Variants in ITGA8 observed in about 807,000 individuals in gnomAD.
The protein encoded by ITGA8 is integrin subunit alpha 8, also known as integrin alpha-8.
ITGA8 carries 91 observed loss-of-function variants against 142.3 expected under a neutral mutation model. That is an observed-to-expected ratio of 0.64 (90% CI 0.54 to 0.76). ITGA8 has a LOEUF of 0.76. Ranked by LOEUF, ITGA8 falls within the 30% of genes least tolerant of loss-of-function variation. The pLI is 0.00. For synonymous variants in ITGA8, 505 were observed against 485.2 expected (o/e 1.04, Z -0.54); for missense variants, 1,406 against 1,327.7 (o/e 1.06, Z -0.92).
chr10:15,624,960 A>G (rs373806474), intron 13 of ITGA8, among the ~76,000 whole-genome samples: 2 of 152,312 alleles, frequency 1.3e-5, no homozygotes, highest in African/African-American at 2.4e-5. Flanking sequence ...CATTTAGATA[A>G]GTCTCCTTGA....
chr10:15,627,837 G>A (rs1833612849), intron 13 of ITGA8, among the ~76,000 whole-genome samples: 1 of 150,608 alleles, frequency 6.6e-6, no homozygotes, highest in Non-Finnish European at 1.5e-5. Context: ...GCATTCCCAG[G>A]TTAGTCATTC....
At chr10:15,547,291 GC>G (rs570683068) in intron 27 of ITGA8, among the ~76,000 whole-genome samples, 7 of 152,286 alleles carry the variant, frequency 4.6e-5, no homozygotes, top group African/African-American at 1.7e-4. Flanking sequence ...CCCATAGTCG[GC>G]CAGGAGCAAT....
chr10:15,624,683 C>T (rs753380541), intron 13 of ITGA8, among the ~76,000 whole-genome samples: 7 of 152,218 alleles, frequency 4.6e-5, no homozygotes, highest in Non-Finnish European at 1.0e-4. Context: ...GCCCAGGTCC[C>T]ATCCTGCCAA....
At chr10:15,572,870 C>G (rs893348339) in intron 24 of ITGA8, among the ~76,000 whole-genome samples, 1 of 152,144 alleles carries the variant, frequency 6.6e-6, no homozygotes, top group Non-Finnish European at 1.5e-5. Flanking sequence ...CAGTTCATTT[C>G]GAGTGCGTGT....
intron 8 of ITGA8, among the ~76,000 whole-genome samples, chr10:15,664,376 A>G (rs983716176): frequency 6.6e-6 from 1 of 152,204 alleles, no homozygotes; most frequent in Admixed American, 6.5e-5. Context: ...CTTTCAAAGG[A>G]AAAAATAAAA....
intron 29 of ITGA8, among the ~76,000 whole-genome samples, chr10:15,517,930 G>A (rs557866244): frequency 3.9e-4 from 60 of 152,356 alleles, no homozygotes; most frequent in African/African-American, 1.2e-3. Context: ...AAAGGAGATT[G>A]TCTCCTAAAG....
At chr10:15,672,861 A>T (rs542827729) in intron 6 of ITGA8, 112 bp from the exon 7 acceptor site, 5 of 1,231,556 alleles carry the variant, frequency 4.1e-6, no homozygotes, top group African/African-American at 3.1e-5. Flanking sequence ...TTTTTTGATG[A>T]TGAATTTTCC....
rs1832957305 is a variant in ITGA8 at position 15,516,077 on chromosome 10, G to T, written c.*1081C>A. On this transcript the variant is annotated 3_prime_UTR_variant, in exon 30 of 30. Coordinates refer to ENST00000378076, the MANE Select transcript of ITGA8 (RefSeq NM_003638.3). ...GTACAAGGCATAGCAGGAAAAACGG[G>T]TATTTAATCCCAAGCTAAATATCTA... 1 of 152,058 alleles carries T rather than the reference G, an allele frequency of 6.6e-6. No homozygotes were observed. The highest frequency in any genetic ancestry group is 6.6e-5 in the Admixed American group (1 of 15,258). The allele number at this position is 152,058 out of a possible 1,614,324, so 9.4% of individuals were successfully genotyped here.
intron 2 of ITGA8, among the ~76,000 whole-genome samples, chr10:15,696,772 C>A (rs979283038): frequency 6.6e-6 from 1 of 150,412 alleles, no homozygotes; most frequent in Non-Finnish European, 1.5e-5. Flanking sequence ...GCAGGAGGAT[C>A]GCTTGAGGCA....
At position 15,594,195 on chromosome 10, in the gene ITGA8, C is replaced by CT. The variant is rs1832975945; in HGVS notation, c.2212-1892dup. Among the ~76,000 whole-genome samples, 4 of 152,040 alleles carry CT rather than the reference C, an allele frequency of 2.6e-5. No individual in the cohort carries two copies. The South Asian group carries it at 8.3e-4, about 32-fold the overall frequency. The stretch of plus-strand genomic sequence containing the variant: ...CAATTTTCTGTCAGGCTCTTCTCTC[C>CT]TTTTTAGAAGCCTTTTAGCTTTTTC... On this transcript the variant is annotated intron_variant, in intron 21 of 29. Coordinates refer to ENST00000378076, the MANE Select transcript of ITGA8 (RefSeq NM_003638.3).
At chr10:15,591,924 G>A (rs1285630272) in intron 22 of ITGA8, among the ~76,000 whole-genome samples, 3 of 152,154 alleles carry the variant, frequency 2.0e-5, no homozygotes, top group Non-Finnish European at 4.4e-5. Context: ...GAATTAGGGT[G>A]GGGAAAGACA....
intron 8 of ITGA8, among the ~76,000 whole-genome samples, chr10:15,667,615 T>C (rs1465374948): frequency 2.6e-5 from 4 of 152,218 alleles, no homozygotes; most frequent in African/African-American, 9.6e-5. Context: ...GATGTTAGGG[T>C]GTCAATTTTA....
At chr10:15,546,254 G>A (rs1833665945) in intron 27 of ITGA8, among the ~76,000 whole-genome samples, 1 of 152,132 alleles carries the variant, frequency 6.6e-6, no homozygotes, top group African/African-American at 2.4e-5. Flanking sequence ...CTCAGTTTCT[G>A]ATTCCCTCCA....
At chr10:15,670,664 C>T (rs1834495014) in intron 8 of ITGA8, among the ~76,000 whole-genome samples, 1 of 152,190 alleles carries the variant, frequency 6.6e-6, no homozygotes, top group African/African-American at 2.4e-5. Context: ...TCTACATAGG[C>T]AGCCAGTGTG....
intron 19 of ITGA8, among the ~76,000 whole-genome samples, chr10:15,604,902 C>T (rs1401318273): frequency 6.6e-6 from 1 of 152,070 alleles, no homozygotes; most frequent in Non-Finnish European, 1.5e-5. Flanking sequence ...TGGTAGAGGA[C>T]TTCAAGGTAT....
chr10:15,634,805 A>T (rs574507516), intron 13 of ITGA8, among the ~76,000 whole-genome samples: 2 of 152,266 alleles, frequency 1.3e-5, no homozygotes, highest in South Asian at 4.1e-4. Flanking sequence ...GAAATTCGAT[A>T]GAATTTCGAA....
chr10:15,640,934 T>A (rs1000339792), intron 13 of ITGA8, among the ~76,000 whole-genome samples: 42 of 152,338 alleles, frequency 2.8e-4, no homozygotes, highest in Non-Finnish European at 3.8e-4. Flanking sequence ...AGCTACCCTT[T>A]AGTCTGAAGC....
Position 15,517,168 on chromosome 10 carries a change from G to A in ITGA8, c.3182C>T (p.Pro1061Leu). The A allele has an allele frequency of 6.2e-7, 1 of 1,612,154 alleles. No homozygotes were observed. The highest frequency in any genetic ancestry group is 1.1e-5 in the South Asian group (1 of 90,978). The change falls in exon 30 of 30, where the codon CCT becomes CTT. Residue 1061 changes from proline to leucine, a missense_variant. By Grantham distance (98) the Pro-to-Leu change is moderately conservative. Coordinates refer to ENST00000378076, the MANE Select transcript of ITGA8 (RefSeq NM_003638.3). ...DREQLTNDKT[P>L]EA ...TCTTTTTTTTTCTTGTCATGCCTCA[G>A]GGGTCTTGTCATTTGTCAGCTGTTC... is the stretch of plus-strand genomic sequence containing the variant.
intron 3 of ITGA8, among the ~76,000 whole-genome samples, chr10:15,687,538 G>T (rs566952393): frequency 1.3e-5 from 2 of 152,050 alleles, no homozygotes; most frequent in African/African-American, 2.4e-5. Flanking sequence ...CTTTCCTTTC[G>T]GTGTAAAAAG....
Sources: allele counts gnomAD v4.1 joint callset (sites outside exome capture counted in the v4.1 genomes callset), GRCh38; gene constraint gnomAD v4.1.1; transcripts MANE v1.5; gene names NCBI Gene and HGNC (gene_info 2026-07-23, HGNC 2026-07-21).